CUX2: variants seen among roughly 807,000 people sequenced by gnomAD.
CUX2 encodes the protein cut like homeobox 2, also known as homeobox protein cut-like 2.
In CUX2, 40 loss-of-function variants were observed where a neutral mutation model predicts 144.8. The ratio of observed to expected loss-of-function variants is 0.28; its 90% CI spans 0.21 to 0.36. The LOEUF is 0.36. Among genes scored for constraint, CUX2 ranks in the 10% least tolerant of loss-of-function variants. The pLI, the probability that CUX2 is intolerant of heterozygous loss-of-function variation, is 1.00. For missense variants in CUX2, 1,615 were observed against 1,994.0 expected (o/e 0.81, Z 3.62); for synonymous variants, 827 against 875.6 (o/e 0.94, Z 0.98).
intron 1 of CUX2, among the ~76,000 whole-genome samples, chr12:111,183,767 G>C (rs562867161): frequency 2.0e-5 from 3 of 152,262 alleles, no homozygotes; most frequent in East Asian, 3.9e-4. Flanking sequence ...GGCGCGTTCT[G>C]TTTGGTGGCA....
At chr12:111,318,599 TA>T (rs1320526925) in intron 16 of CUX2, among the ~76,000 whole-genome samples, 86 of 147,212 alleles carry the variant, frequency 5.8e-4, no homozygotes, top group Middle Eastern at 6.9e-3. Flanking sequence ...TCTCTTTTTT[TA>T]AAAAAAAAAA....
At chr12:111,327,653 A>G (rs1481997848) in intron 18 of CUX2, among the ~76,000 whole-genome samples, 1 of 152,128 alleles carries the variant, frequency 6.6e-6, no homozygotes, top group East Asian at 1.9e-4. Flanking sequence ...GAAGATGGAG[A>G]ATGGTGCTCC....
intron 1 of CUX2, among the ~76,000 whole-genome samples, chr12:111,159,738 A>C (rs1877628252): frequency 6.6e-6 from 1 of 152,184 alleles, no homozygotes; most frequent in African/African-American, 2.4e-5. Context: ...AAAAACAGAA[A>C]AGGAGGCCAG....
chr12:111,034,275 G>A lies in CUX2; in HGVS notation c.63+35G>A. On this transcript the variant is annotated intron_variant, in intron 1 of 21. Transcript: ENST00000261726. This position sits in a 1 kb window ranked among gnomAD's most constrained non-coding sequence, Gnocchi z 4.2. ...GGCAGCGCCGGCCGCGCGGCCGTGAGGAGCCCCCGGGCGCGCCCTGGGCGC... is the reference window on the plus strand; with the variant it reads ...GGCAGCGCCGGCCGCGCGGCCGTGAAGAGCCCCCGGGCGCGCCCTGGGCGC... The A allele has an allele frequency of 1.1e-5, 14 of 1,287,170 alleles. No homozygotes were observed. The highest frequency in any genetic ancestry group is 1.4e-5 in the Non-Finnish European group (14 of 982,648). The allele number at this position is 1,287,170 out of a possible 1,614,324, so 79.7% of individuals were successfully genotyped here.
At chr12:111,161,239 C>T (rs573357587) in intron 1 of CUX2, among the ~76,000 whole-genome samples, 13 of 152,212 alleles carry the variant, frequency 8.5e-5, no homozygotes, top group Admixed American at 5.2e-4. Flanking sequence ...TGGGCAACAC[C>T]CATTAAAGGG....
intron 1 of CUX2, among the ~76,000 whole-genome samples, chr12:111,047,447 A>G (rs747755729): frequency 6.6e-6 from 1 of 151,836 alleles, no homozygotes; most frequent in East Asian, 1.9e-4. Flanking sequence ...CTTTCTTTCC[A>G]TGGCAGACCT....
chr12:111,215,104 C>A (rs1253953932), intron 2 of CUX2, among the ~76,000 whole-genome samples: 1 of 152,224 alleles, frequency 6.6e-6, no homozygotes, highest in Non-Finnish European at 1.5e-5. Context: ...GCGGCCAGAT[C>A]TCCCCAAAGC....
intron 1 of CUX2, among the ~76,000 whole-genome samples, chr12:111,188,267 A>T (rs533228129): frequency 1.3e-5 from 2 of 152,360 alleles, no homozygotes; most frequent in African/African-American, 4.8e-5. Flanking sequence ...AGAGCAGGTG[A>T]GAAATGGCGG....
chr12:111,112,057 G>A (rs748114859), intron 1 of CUX2, among the ~76,000 whole-genome samples: 82 of 152,058 alleles, frequency 5.4e-4, no homozygotes, highest in Non-Finnish European at 9.6e-4. Context: ...AGGCCTGGGC[G>A]GGATATTCTG....
chr12:111,094,375 T>G (rs544231360), intron 1 of CUX2, among the ~76,000 whole-genome samples: 1 of 152,362 alleles, frequency 6.6e-6, no homozygotes, highest in South Asian at 2.1e-4. Flanking sequence ...GCAAGGGTCA[T>G]GCTGGAAGCC....
chr12:111,262,379 C>CTTT lies in CUX2; in HGVS notation c.223-1367_223-1365dup, dbSNP rs5800924. ...AAATTACAGAGATTTTGTAATGGAT[C>CTTT]TTTTTTTTTTTTTTTTTAAGATAGG... On this transcript the variant is annotated intron_variant, in intron 3 of 21. Transcript: ENST00000261726. Among the ~76,000 whole-genome samples the CTTT allele has an allele frequency of 5.7e-5, 8 of 139,584 alleles. No individual in the cohort carries two copies. In the East Asian group the frequency reaches 8.4e-4, roughly 15 times the overall value. The allele number at this position is 139,584 out of a possible 152,430, so 91.6% of individuals were successfully genotyped here.
intron 18 of CUX2, among the ~76,000 whole-genome samples, chr12:111,330,722 T>C (rs796826703): frequency 0.031 from 1,580 of 51,502 alleles, 156 homozygotes; most frequent in African/African-American, 0.15. Context: ...TATATATATA[T>C]ATATATATAT....
In CUX2 at chr12:111,246,179, G is replaced by A. The variant is rs1011185995; in HGVS notation, c.223-17582G>A. Among the ~76,000 whole-genome samples, 31 of 152,044 alleles carry A rather than the reference G, an allele frequency of 2.0e-4. No homozygotes were observed. Among genetic ancestry groups the A allele is most frequent in the African/African-American group, 3.6e-4 (15 of 41,400 alleles). ...CATCTGGAAAGTAGAAATGATAACC[G>A]CACCTGCCACTGGTGTGACACAGAG... On this transcript the variant is annotated intron_variant, in intron 3 of 21. Transcript: ENST00000261726. This position sits in a 1 kb window ranked among gnomAD's most constrained non-coding sequence, Gnocchi z 4.0.
intron 1 of CUX2, among the ~76,000 whole-genome samples, chr12:111,104,099 G>T (rs1214030696): frequency 1.3e-5 from 2 of 152,174 alleles, no homozygotes; most frequent in African/African-American, 4.8e-5. Flanking sequence ...ACTACTAAAA[G>T]CCTCCTCTCT....
chr12:111,299,147 G>A (rs1451443807), intron 9 of CUX2, among the ~76,000 whole-genome samples: 1 of 152,250 alleles, frequency 6.6e-6, no homozygotes, highest in Non-Finnish European at 1.5e-5. Flanking sequence ...GACATGGCCA[G>A]GAGAGGCCAG....
rs1415525608 is a variant in CUX2 at position 111,334,487 on chromosome 12, C to T, written c.2973C>T (p.Pro991=). 1.2e-6 allele frequency: 2 copies of T among 1,613,116 alleles called. No individual in the cohort carries two copies. The highest frequency in any genetic ancestry group is 1.1e-5 in the South Asian group (1 of 91,014). ...PRSSPSPPPS[P]TEPEKSSQEP... is the part of the protein sequence containing the mutation. Reference sequence around the variant, plus strand: ...CCTCACCATCCCCACCCCCCAGCCCCACAGAGCCTGAGAAGAGCTCCCAGG... The same window carrying T: ...CCTCACCATCCCCACCCCCCAGCCCTACAGAGCCTGAGAAGAGCTCCCAGG... The change falls in exon 19 of 22, where the codon CCC becomes CCT. Residue 991 remains proline, a synonymous_variant. Coordinates refer to ENST00000261726, the MANE Select transcript of CUX2 (RefSeq NM_015267.4).
chr12:111,321,630 C>T (rs944365461), intron 17 of CUX2, among the ~76,000 whole-genome samples: 5 of 151,966 alleles, frequency 3.3e-5, no homozygotes, highest in African/African-American at 1.2e-4. Context: ...TACAGTGAGC[C>T]ATGATCACAC....
intron 1 of CUX2, among the ~76,000 whole-genome samples, chr12:111,194,499 TG>T (rs1880112402): frequency 6.6e-6 from 1 of 152,236 alleles, no homozygotes; most frequent in Non-Finnish European, 1.5e-5. Context: ...AATCTGGATT[TG>T]GGGCCTTTCT....
intron 3 of CUX2, among the ~76,000 whole-genome samples, chr12:111,243,138 T>C (rs1883114265): frequency 6.6e-6 from 1 of 152,152 alleles, no homozygotes; most frequent in South Asian, 2.1e-4. Flanking sequence ...TTTTACTCTT[T>C]ATTATGGAAA....
Sources: allele counts gnomAD v4.1 joint callset (sites outside exome capture counted in the v4.1 genomes callset), GRCh38; gene constraint gnomAD v4.1.1; non-coding constraint Gnocchi (gnomAD v3.1); transcripts MANE v1.5; gene names NCBI Gene and HGNC (gene_info 2026-07-23, HGNC 2026-07-21).